SRGAP2: variants seen among roughly 807,000 people sequenced by gnomAD.
SRGAP2 encodes the protein SLIT-ROBO Rho GTPase-activating protein 2.
SRGAP2 carries 15 observed loss-of-function variants against 57.2 expected under a neutral mutation model. The ratio of observed to expected loss-of-function variants is 0.26; its 90% CI spans 0.18 to 0.40. SRGAP2 has a LOEUF of 0.40. SRGAP2 is among the 10% of genes least tolerant of loss of function. SRGAP2 has a pLI of 1.00. For missense variants in SRGAP2, 520 were observed against 669.6 expected (o/e 0.78, Z 2.47); for synonymous variants, 249 against 248.0 (o/e 1.00, Z -0.04).
chr1:206,277,363 A>AT (rs1291299667), intron 2 of SRGAP2, among the ~76,000 whole-genome samples: 2 of 109,946 alleles, frequency 1.8e-5, no homozygotes, highest in Non-Finnish European at 3.7e-5. Flanking sequence ...TTTCTTAATA[A>AT]ATCAGTCTAG....
chr1:206,376,115 TAA>T (rs1372662974), intron 4 of SRGAP2, among the ~76,000 whole-genome samples: 30 of 150,060 alleles, frequency 2.0e-4, no homozygotes, highest in Non-Finnish European at 3.9e-4. Flanking sequence ...CTTTTCTGTT[TAA>T]TCTATCTGGA....
intron 2 of SRGAP2, among the ~76,000 whole-genome samples, chr1:206,249,521 C>A (rs1475963328): frequency 6.6e-6 from 1 of 151,278 alleles, no homozygotes; most frequent in Non-Finnish European, 1.5e-5. Context: ...CATGTTCTCA[C>A]TCATAAGTGG....
chr1:206,334,953 G>T (rs1432879686), intron 3 of SRGAP2, among the ~76,000 whole-genome samples: 1 of 150,822 alleles, frequency 6.6e-6, no homozygotes, highest in African/African-American at 2.5e-5. Context: ...TATAATTGTA[G>T]AGTTGTTCAC....
intron 14 of SRGAP2, among the ~76,000 whole-genome samples, chr1:206,432,667 A>C (rs1661376525): frequency 6.6e-6 from 1 of 152,204 alleles, no homozygotes; most frequent in African/African-American, 2.4e-5. Flanking sequence ...CAAAATGTGA[A>C]AGAGTCTATA....
intron 4 of SRGAP2, among the ~76,000 whole-genome samples, chr1:206,383,245 G>A (rs1448311128): frequency 2.7e-5 from 4 of 149,936 alleles, no homozygotes; most frequent in African/African-American, 7.6e-5. Context: ...TGCTGGTCTC[G>A]AATTCCTGAC....
At chr1:206,234,344 GA>G (rs1327868278) in intron 2 of SRGAP2, among the ~76,000 whole-genome samples, 1 of 152,068 alleles carries the variant, frequency 6.6e-6, no homozygotes, top group East Asian at 1.9e-4. Context: ...GCCTCAACCA[GA>G]AAAAAATTCT....
chr1:206,392,006 G>T (rs1341980846), intron 5 of SRGAP2, among the ~76,000 whole-genome samples: 2 of 149,866 alleles, frequency 1.3e-5, no homozygotes, highest in Non-Finnish European at 1.5e-5. Context: ...TCATAGGGTT[G>T]TTGTCTAGAT....
At chr1:206,318,914 G>T (rs1335839581) in intron 3 of SRGAP2, among the ~76,000 whole-genome samples, 1 of 151,022 alleles carries the variant, frequency 6.6e-6, no homozygotes, top group Non-Finnish European at 1.5e-5. Flanking sequence ...CATGAGATTT[G>T]GGGGGGGACA....
chr1:206,446,302 AG>A lies in SRGAP2; in HGVS notation c.2099+9del, dbSNP rs782042972. On this transcript the variant is annotated splice_donor_region_variant and intron_variant, in intron 18 of 22. Transcript: ENST00000573034. Reference sequence around the variant, plus strand: ...GGAGGAAGCATGGAGGATTACTGGTAGGGGGGCTTGGGACGGGAGGAGGGGA... The same window carrying A: ...GGAGGAAGCATGGAGGATTACTGGTAGGGGGCTTGGGACGGGAGGAGGGGA... The A allele has an allele frequency of 5.1e-6, 4 of 780,582 alleles. No individual in the cohort carries two copies. The highest frequency in any genetic ancestry group is 9.6e-6 in the Non-Finnish European group (4 of 417,878). 48.4% of individuals were successfully genotyped at this position (780,582 alleles called of 1,614,324 possible).
intron 2 of SRGAP2, among the ~76,000 whole-genome samples, chr1:206,226,947 C>T (rs1226170824): frequency 2.0e-5 from 3 of 151,552 alleles, no homozygotes; most frequent in South Asian, 2.1e-4. Flanking sequence ...AGGAAAGTGA[C>T]TTAGCTGGTA....
chr1:206,256,758 G>A (rs1553312479), intron 2 of SRGAP2, among the ~76,000 whole-genome samples: 1 of 151,936 alleles, frequency 6.6e-6, no homozygotes, highest in Non-Finnish European at 1.5e-5. Context: ...AAAATCCAAA[G>A]TTAGATTCAG....
At chr1:206,322,905 G>A (rs1218754200) in intron 3 of SRGAP2, among the ~76,000 whole-genome samples, 4 of 144,712 alleles carry the variant, frequency 2.8e-5, no homozygotes, top group African/African-American at 5.7e-5. Flanking sequence ...TGGTGGAGAA[G>A]CTGAAAGGCT....
chr1:206,439,837 C>T, intron 16 of SRGAP2, 139 bp from the exon 17 acceptor site: 2 of 628,716 alleles, frequency 3.2e-6, no homozygotes, highest in South Asian at 1.9e-5. Context: ...GGATGACACT[C>T]CTGTCACTGC....
chr1:206,442,938 T>G (rs2990589), intron 17 of SRGAP2, among the ~76,000 whole-genome samples: 11,190 of 152,260 alleles, frequency 0.073, 444 homozygotes, highest in Middle Eastern at 0.086. Flanking sequence ...TTCTGGCTAC[T>G]GTTTGTTCTT....
rs1403440087 is a variant in SRGAP2, at chr1:206,356,797, C to A, written c.423+13789C>A. On this transcript the variant is annotated intron_variant, in intron 4 of 22. Transcript: ENST00000573034. ...TTTTCATTTTCATCTTCTTTCCTTA[C>A]AATACTGGACTTTCTCTGGTCTTTT... Among the ~76,000 whole-genome samples the A allele has an allele frequency of 2.0e-4, 29 of 148,014 alleles. No homozygotes were observed. In the South Asian group the frequency reaches 6.2e-3, roughly 31 times the overall value.
At chr1:206,416,686 C>A (rs1232229089) in intron 11 of SRGAP2, among the ~76,000 whole-genome samples, 1 of 152,264 alleles carries the variant, frequency 6.6e-6, no homozygotes, top group Non-Finnish European at 1.5e-5. Context: ...TTTTTTGGCA[C>A]CCTGCCCAGA....
intron 12 of SRGAP2, among the ~76,000 whole-genome samples, chr1:206,420,498 T>C (rs1474062040): frequency 2.0e-5 from 3 of 152,188 alleles, no homozygotes; most frequent in Non-Finnish European, 2.9e-5. Flanking sequence ...CTCTCTGAAC[T>C]CTGGTTTCCT....
In SRGAP2 at chr1:206,437,075, A is replaced by G. The variant is rs147762550; in HGVS notation, c.1633+33A>G. 315 of 780,102 alleles carry G rather than the reference A, an allele frequency of 4.0e-4. 2 individuals are homozygous for G. In the African/African-American group the frequency reaches 4.1e-3, roughly 10 times the overall value. The allele number at this position is 780,102 out of a possible 1,614,324, so 48.3% of individuals were successfully genotyped here. The stretch of plus-strand genomic sequence containing the variant: ...AACAGTCTTGAAGATAAAACCAAAT[A>G]TTTGCCAGCCCCCTGGGGTATTGGC... On this transcript the variant is annotated intron_variant, in intron 15 of 22. Coordinates refer to ENST00000573034, the MANE Select transcript of SRGAP2 (RefSeq NM_015326.5).
chr1:206,305,941 A>T (rs1486328830), intron 3 of SRGAP2, among the ~76,000 whole-genome samples: 2 of 151,952 alleles, frequency 1.3e-5, no homozygotes, highest in East Asian at 1.9e-4. Context: ...ATCATCTGAT[A>T]AAAAAATGTT....
Sources: allele counts gnomAD v4.1 joint callset (sites outside exome capture counted in the v4.1 genomes callset), GRCh38; gene constraint gnomAD v4.1.1; transcripts MANE v1.5; gene names NCBI Gene and HGNC (gene_info 2026-07-23, HGNC 2026-07-21).